Variants in KMT2D observed in about 807,000 individuals in gnomAD.
KMT2D encodes the protein lysine methyltransferase 2D.
Under a neutral mutation model 512.7 loss-of-function variants are expected in KMT2D, and 55 were observed. The ratio of observed to expected loss-of-function variants is 0.11; its 90% CI spans 0.09 to 0.13. KMT2D has a LOEUF of 0.13. KMT2D is among the 10% of genes least tolerant of loss of function. The pLI, the probability that KMT2D is intolerant of heterozygous loss-of-function variation, is 1.00. For missense variants in KMT2D, 6,061 were observed against 7,127.9 expected, an observed-to-expected ratio of 0.85 and a Z score of 5.39; for synonymous variants, 2,995 against 2,904.0, an observed-to-expected ratio of 1.03 and a Z score of -1.01.
Position 49,031,911 on chromosome 12 carries a change from C to G in KMT2D, c.12794G>C (p.Gly4265Ala). 3 of 1,535,482 alleles carry G rather than the reference C, an allele frequency of 2.0e-6. No individual in the cohort carries two copies. In the South Asian group the frequency reaches 3.9e-5, roughly 20 times the overall value. ...GGGGCCTGTCTGTGGTCCAGGGAAG[C>G]CCCCAAGTTGAGGTTGGCAGCCCAG... ...GLLGCQPQLG[G>A]FPGPQTGPLQ... Residue 4265 changes from glycine to alanine, a missense_variant, in exon 40 of 55, where the codon GGC becomes GCC. This residue lies in a region of KMT2D where 1,600 missense variants were observed against 1,754.9 expected (regional missense o/e 0.91). Transcript: ENST00000301067.
At chr12:49,027,696 T>G in intron 48 of KMT2D, 107 bp downstream of exon 48, 1 of 1,387,074 alleles carries the variant, frequency 7.2e-7, no homozygotes, top group Non-Finnish European at 9.9e-7. Flanking sequence ...CTAAAGTGAT[T>G]CACTCGCCTT....
rs1297176859 is a variant in KMT2D at position 49,037,450 on chromosome 12, A to G, written c.9906T>C (p.Ser3302=). 1.3e-6 allele frequency: 2 copies of G among 1,578,760 alleles called. No individual in the cohort carries two copies. Among genetic ancestry groups the G allele is most frequent in the Non-Finnish European group, 1.7e-6 (2 of 1,162,300 alleles). ...GTTGGGACCCAGCCAAACTGGGAGA[A>G]GAGCCCTCATGTGGCAAAGACATGG... is the stretch of plus-strand genomic sequence containing the variant. The part of the protein sequence containing the change: ...AQAMSLPHEG[S]SPSLAGSQQQ... Residue 3302 remains serine (S), a synonymous_variant, in exon 35 of 55, where the codon TCT becomes TCC. Coordinates refer to ENST00000301067, the MANE Select transcript of KMT2D (RefSeq NM_003482.4).
chr12:49,032,001 T>C lies in KMT2D; in HGVS notation c.12704A>G (p.Gln4235Arg). The C allele has an allele frequency of 1.2e-6, 2 of 1,602,298 alleles. No homozygotes were observed. Among genetic ancestry groups the C allele is most frequent in the Non-Finnish European group, 1.7e-6 (2 of 1,172,700 alleles). The change falls in exon 40 of 55, where the codon CAG becomes CGG. Residue 4235 changes from glutamine (Q) to arginine (R), a missense_variant. Around this residue, in one of 16 missense-constraint regions of KMT2D, gnomAD observed 1,600 missense variants for 1,754.9 expected, o/e 0.91. Transcript: ENST00000301067. ...LLMQRQLQQSQAVRQTPPYQE... is the reference protein window; with the variant it reads ...LLMQRQLQQSRAVRQTPPYQE... Reference sequence around the variant, plus strand: ...GTAGGGTGGGGTCTGGCGTACTGCCTGACTCTGCTGCAGCTGCCGCTGCAT... The same window carrying C: ...GTAGGGTGGGGTCTGGCGTACTGCCCGACTCTGCTGCAGCTGCCGCTGCAT...
Position 49,022,925 on chromosome 12 carries a change from A to G in KMT2D, c.16053-50T>C, listed in dbSNP as rs1292099149. On this transcript the variant is annotated intron_variant, in intron 51 of 54. Transcript: ENST00000301067. This position sits in a 1 kb window ranked among gnomAD's most constrained non-coding sequence, Gnocchi z 8.6. ...AAGACAGCTCTCCCTCAGACCAAGTACATACCACCCACCTCCTCTGCCACC... is the reference window on the plus strand; with the variant it reads ...AAGACAGCTCTCCCTCAGACCAAGTGCATACCACCCACCTCCTCTGCCACC... 2 of 1,503,374 alleles carry G rather than the reference A, an allele frequency of 1.3e-6. No individual in the cohort carries two copies. The highest frequency in any genetic ancestry group is 2.4e-5 in the East Asian group (1 of 42,218). The allele number at this position is 1,503,374 out of a possible 1,614,324, so 93.1% of individuals were successfully genotyped here. A position where few individuals can be genotyped will look rare whatever the true frequency, so the allele number is the denominator to read the frequency against.
chr12:49,050,816 G>C (rs1243149984), intron 11 of KMT2D, 26 bp from the exon 12 acceptor site: 2 of 1,586,896 alleles, frequency 1.3e-6, no homozygotes, highest in African/African-American at 1.3e-5. Flanking sequence ...AAAAAGAAGG[G>C]CTCTTAGATT....
chr12:49,032,162 A>C lies in KMT2D; in HGVS notation c.12543T>G (p.Ser4181=). ...QPPKPGPVLQ[S]GQGLPGVGIM... ...TTCCAACCCCAGGCAGACCCTGCCC[A>C]GACTGGAGGACAGGTCCTGGTTTGG... Residue 4181 remains serine, a synonymous_variant, in exon 40 of 55, where the codon TCT becomes TCG. Transcript: ENST00000301067. 2.5e-6 allele frequency: 4 copies of C among 1,613,194 alleles called. No homozygotes were observed. Among genetic ancestry groups the C allele is most frequent in the Non-Finnish European group, 3.4e-6 (4 of 1,179,334 alleles).
Position 49,051,930 on chromosome 12 carries a change from G to T in KMT2D, c.1753C>A (p.Pro585Thr), listed in dbSNP as rs1938074018. Residue 585 changes from proline (P) to threonine (T), a missense_variant, in exon 11 of 55, where the codon CCT becomes ACT. Coordinates refer to ENST00000301067, the MANE Select transcript of KMT2D (RefSeq NM_003482.4). ...PPEESPMSPP[P>T]EESPMSPPPE... ...GGTGGAGACATGGGTGACTCTTCAG[G>T]TGGAGGGGACATGGGTGACTCCTCA... 5.0e-6 allele frequency: 8 copies of T among 1,613,614 alleles called. No homozygotes were observed. The highest frequency in any genetic ancestry group is 6.8e-6 in the Non-Finnish European group (8 of 1,179,746).
rs372647860 is a variant in KMT2D, at chr12:49,043,720, C to T, written c.5382G>A (p.Val1794=). ...LSRKALFAVG[V]GRPSFGLGTP... ...TCCCTAGTCCAAAGCTTGGCCGGCC[C>T]ACCCCAACTGCAAAAAGGGCCTTAC... is the stretch of plus-strand genomic sequence containing the variant. The change falls in exon 24 of 55, where the codon GTG becomes GTA. Residue 1794 remains valine, a synonymous_variant. Transcript: ENST00000301067. 6 of 1,613,968 alleles carry T rather than the reference C, an allele frequency of 3.7e-6. No individual in the cohort carries two copies. The East Asian group carries it at 6.7e-5, about 18-fold the overall frequency.
Position 49,041,625 on chromosome 12 carries a change from A to C in KMT2D, c.6234+30T>G, listed in dbSNP as rs751494720. 1.2e-6 allele frequency: 2 copies of C among 1,613,318 alleles called. No individual in the cohort carries two copies. The highest frequency in any genetic ancestry group is 1.7e-5 in the Admixed American group (1 of 59,958). ...CTCAAGAGAGGCCACCCACTAGAGG[A>C]CTGCTACACCCCAGCCCAGCCCCAC... On this transcript the variant is annotated intron_variant, in intron 31 of 54. Coordinates refer to ENST00000301067, the MANE Select transcript of KMT2D (RefSeq NM_003482.4). The surrounding 1 kb of genome is among the most constrained non-coding windows in gnomAD (Gnocchi z 5.4).
At position 49,051,416 on chromosome 12, in the gene KMT2D, G is replaced by A. The variant is rs1937999513; in HGVS notation, c.2267C>T (p.Pro756Leu). ...CTGCGGAGATAGGTGTGGCTCCTCA[G>A]GCCGGGGGGACAGGTGCGGCTCCTC... ...RPEEPHLSPR[P>L]EEPHLSPQAE... is the part of the protein sequence containing the mutation. Residue 756 changes from proline to leucine, a missense_variant, in exon 11 of 55, where the codon CCT becomes CTT. Pro to Leu is a moderately conservative substitution (Grantham distance 98, BLOSUM62 -3). This residue lies in a region of KMT2D where 848 missense variants were observed against 838.5 expected (regional missense o/e 1.01). Transcript: ENST00000301067. 1.2e-6 allele frequency: 2 copies of A among 1,608,720 alleles called. No homozygotes were observed. The highest frequency in any genetic ancestry group is 1.4e-5 in the African/African-American group (1 of 71,976).
rs764701309 is a variant in KMT2D, at chr12:49,052,929, G to A, written c.1098C>T (p.Thr366=). 4 of 1,613,964 alleles carry A rather than the reference G, an allele frequency of 2.5e-6. No homozygotes were observed. In the East Asian group the frequency reaches 8.9e-5, roughly 36 times the overall value. ...CCACCACTTACCTGCTACACACCGGGGTATGCTGCTCAGCAACGGAGCGGA... is the reference window on the plus strand; with the variant it reads ...CCACCACTTACCTGCTACACACCGGAGTATGCTGCTCAGCAACGGAGCGGA... ...QTIRSVAEQH[T]PVCSRFSPPE... is the part of the protein sequence containing the mutation. The change falls in exon 9 of 55, where the codon ACC becomes ACT. Residue 366 remains threonine, a synonymous_variant. Coordinates refer to ENST00000301067, the MANE Select transcript of KMT2D (RefSeq NM_003482.4).
At position 49,034,479 on chromosome 12, in the gene KMT2D, G is replaced by A; in HGVS notation, c.10441-3C>T. The A allele has an allele frequency of 3.1e-6, 5 of 1,613,650 alleles. No homozygotes were observed. Among genetic ancestry groups the A allele is most frequent in the Non-Finnish European group, 3.4e-6 (4 of 1,179,776 alleles). On this transcript the variant is annotated splice_region_variant and splice_polypyrimidine_tract_variant and intron_variant, in intron 37 of 54. Transcript: ENST00000301067. Reference sequence around the variant, plus strand: ...GAGGGATCACCAGCACTCCGCTCCTGCAATGAGAGAGGCTGCTAAAGGGTC... The same window carrying A: ...GAGGGATCACCAGCACTCCGCTCCTACAATGAGAGAGGCTGCTAAAGGGTC...
Position 49,032,402 on chromosome 12 carries a change from CTGT to C in KMT2D, c.12300_12302del (p.Gln4104del), listed in dbSNP as rs1942965223. The C allele has an allele frequency of 3.8e-6, 6 of 1,599,042 alleles. No homozygotes were observed. Among genetic ancestry groups the C allele is most frequent in the Non-Finnish European group, 5.1e-6 (6 of 1,172,936 alleles). On this transcript the variant is annotated inframe_deletion, in exon 40 of 55. Transcript: ENST00000301067. Reference sequence around the variant, plus strand: ...TGTGGAGCAGGCTAACTTGCTGCTGCTGTTGTCCTGGAAGCCTCAGAGGTGGCT... The same window carrying C: ...TGTGGAGCAGGCTAACTTGCTGCTGCTGTCCTGGAAGCCTCAGAGGTGGCT...
intron 35 of KMT2D, among the ~76,000 whole-genome samples, chr12:49,036,841 CT>C (rs1943247661): frequency 6.6e-6 from 1 of 152,184 alleles, no homozygotes; most frequent in Non-Finnish European, 1.5e-5. Flanking sequence ...AAGTCTTAAG[CT>C]TTCAACTTCA....
chr12:49,046,162 T>C lies in KMT2D; in HGVS notation c.4596A>G (p.Ala1532=), dbSNP rs2120601848. ...CCTCTGTGAAGAGGCTCTCACAGCC[T>C]GCATGCATCCACCTGGAGAACAGAG... ...QCRHCERWMH[A]GCESLFTEDD... Residue 1532 remains alanine, a synonymous_variant, in exon 18 of 55, where the codon GCA becomes GCG. Coordinates refer to ENST00000301067, the MANE Select transcript of KMT2D (RefSeq NM_003482.4). The surrounding 1 kb of genome is among the most constrained non-coding windows in gnomAD (Gnocchi z 4.2). 6.2e-7 allele frequency: 1 copy of C among 1,611,552 alleles called. No individual in the cohort carries two copies. The highest frequency in any genetic ancestry group is 8.5e-7 in the Non-Finnish European group (1 of 1,178,770).
chr12:49,039,322 G>A lies in KMT2D; in HGVS notation c.8266C>T (p.Leu2756=). Residue 2756 remains leucine (L), a synonymous_variant, in exon 34 of 55, where the codon CTG becomes TTG. Transcript: ENST00000301067. This position sits in a 1 kb window ranked among gnomAD's most constrained non-coding sequence, Gnocchi z 5.0. ...SSLVGLPPSK[L]SGPILGPGSF... ...CCTGGCCCCAGGATGGGGCCACTCAGCTTGCTTGGGGGCAACCCCACAAGG... is the reference window on the plus strand; with the variant it reads ...CCTGGCCCCAGGATGGGGCCACTCAACTTGCTTGGGGGCAACCCCACAAGG... 1.2e-6 allele frequency: 2 copies of A among 1,613,588 alleles called. No homozygotes were observed. Among genetic ancestry groups the A allele is most frequent in the Non-Finnish European group, 1.7e-6 (2 of 1,179,732 alleles).
rs1005808806 is a variant in KMT2D at position 49,060,004 on chromosome 12, C to A, written c.-429G>T. On this transcript the variant is annotated 5_prime_UTR_variant, in exon 1 of 55. Coordinates refer to ENST00000301067, the MANE Select transcript of KMT2D (RefSeq NM_003482.4). ...GCCGGGCTCGGGCGGAACGTCGAGG[C>A]TCTCCAGATGGAACGTCGAGGCGCC... Among the ~76,000 whole-genome samples the A allele has an allele frequency of 6.6e-6, 1 of 151,670 alleles. No homozygotes were observed. The highest frequency in any genetic ancestry group is 2.4e-5 in the African/African-American group (1 of 41,338).
At chr12:49,057,586 A>C (rs1938486191) in intron 1 of KMT2D, among the ~76,000 whole-genome samples, 3 of 152,200 alleles carry the variant, frequency 2.0e-5, no homozygotes, top group Admixed American at 2.0e-4. Context: ...AATGTCATAC[A>C]ACTTGTACCA....
Position 49,044,719 on chromosome 12 carries a change from G to A in KMT2D, c.4963+25C>T, listed in dbSNP as rs756394795. The stretch of plus-strand genomic sequence containing the variant: ...AGAGTCACGCTCCCCCTACTCTGCC[G>A]CTCCCTAAGATTCCCCAAGCTAACC... On this transcript the variant is annotated intron_variant, in intron 20 of 54. Coordinates refer to ENST00000301067, the MANE Select transcript of KMT2D (RefSeq NM_003482.4). The surrounding 1 kb of genome is among the most constrained non-coding windows in gnomAD (Gnocchi z 6.4). 33 of 1,599,660 alleles carry A rather than the reference G, an allele frequency of 2.1e-5. No homozygotes were observed. The highest frequency in any genetic ancestry group is 2.0e-4 in the East Asian group (9 of 44,574).
Sources: gnomAD v4.1 joint callset for allele counts (sites outside exome capture counted in the v4.1 genomes callset) on GRCh38, gnomAD v4.1.1 for gene constraint, gnomAD v4.1.1 regional missense constraint, Gnocchi (gnomAD v3.1) non-coding constraint, MANE v1.5 for transcripts, NCBI Gene and HGNC (gene_info 2026-07-23, HGNC 2026-07-21) for gene names.